Variants in TAF4B observed in about 807,000 individuals in gnomAD.
The protein encoded by TAF4B is transcription initiation factor TFIID subunit 4B.
TAF4B carries 38 observed loss-of-function variants against 86.4 expected under a neutral mutation model. The ratio of observed to expected loss-of-function variants is 0.44; its 90% CI spans 0.34 to 0.58. The LOEUF is 0.58. Ranked by LOEUF, TAF4B falls within the 20% of genes least tolerant of loss-of-function variation. TAF4B has a pLI of 0.02. For synonymous variants in TAF4B, 388 were observed against 391.2 expected (o/e 0.99, Z 0.10); for missense variants, 988 against 1,027.6 (o/e 0.96, Z 0.53).
At chr18:26,255,423 G>A (rs1306450472) in intron 1 of TAF4B, among the ~76,000 whole-genome samples, 1 of 151,846 alleles carries the variant, frequency 6.6e-6, no homozygotes, top group Non-Finnish European at 1.5e-5. Context: ...GGCCAACGTG[G>A]TGAAACCCTG....
chr18:26,281,207 G>A (rs2056444659), intron 5 of TAF4B, among the ~76,000 whole-genome samples: 1 of 152,038 alleles, frequency 6.6e-6, no homozygotes, highest in Non-Finnish European at 1.5e-5. Context: ...CACTACCTGG[G>A]TGACGAGATC....
At chr18:26,244,690 G>A (rs535775039) in intron 1 of TAF4B, among the ~76,000 whole-genome samples, 4 of 152,190 alleles carry the variant, frequency 2.6e-5, no homozygotes, top group South Asian at 2.1e-4. Flanking sequence ...GTTCCTATTC[G>A]GCCATCTTGG....
chr18:26,318,072 G>T (rs1325413822), intron 10 of TAF4B, among the ~76,000 whole-genome samples: 1 of 152,084 alleles, frequency 6.6e-6, no homozygotes, highest in East Asian at 1.9e-4. Context: ...TTGCTCTGTT[G>T]CCCAGGCTGG....
chr18:26,319,868 G>A (rs914903434), intron 10 of TAF4B, among the ~76,000 whole-genome samples: 6 of 152,056 alleles, frequency 3.9e-5, no homozygotes, highest in African/African-American at 1.4e-4. Context: ...GGAATTACAG[G>A]CGTGTGCCAC....
At chr18:26,272,289 A>G (rs1409897424) in intron 3 of TAF4B, among the ~76,000 whole-genome samples, 1 of 152,180 alleles carries the variant, frequency 6.6e-6, no homozygotes, top group South Asian at 2.1e-4. Context: ...TCATGCTGCT[A>G]TGAGACTAAT....
chr18:26,329,260 G>A (rs2057033192), intron 12 of TAF4B, among the ~76,000 whole-genome samples: 1 of 151,872 alleles, frequency 6.6e-6, no homozygotes, highest in Non-Finnish European at 1.5e-5. Context: ...TCTCCCTACA[G>A]TGTTCAAGCT....
intron 1 of TAF4B, among the ~76,000 whole-genome samples, chr18:26,253,822 A>T (rs2056040660): frequency 6.6e-6 from 1 of 152,114 alleles, no homozygotes. Context: ...AATTTGTTTC[A>T]TCTAAATTGT....
intron 1 of TAF4B, among the ~76,000 whole-genome samples, chr18:26,261,321 C>T (rs1015085812): frequency 6.7e-6 from 1 of 150,364 alleles, no homozygotes; most frequent in Non-Finnish European, 1.5e-5. Context: ...CTGCCTCAGC[C>T]TCCCAAGTAG....
In TAF4B at chr18:26,285,222, G is replaced by GTTTTTTTTTTTTGTTTTTTTTTTTTTT. The variant is rs2056501259; in HGVS notation, c.973-648_973-647insGTTTTTTTTTTTTTTTTTTTTTTTTTT. Among the ~76,000 whole-genome samples, 358 of 45,664 alleles carry GTTTTTTTTTTTTGTTTTTTTTTTTTTT rather than the reference G, an allele frequency of 7.8e-3. 78 individuals carry two copies. Among genetic ancestry groups the GTTTTTTTTTTTTGTTTTTTTTTTTTTT allele is most frequent in the East Asian group, 0.03 (27 of 910 alleles). 30.0% of individuals were successfully genotyped at this position (45,664 alleles called of 152,430 possible). ...ATTTCTTCCTTTCCTTTTTTTTTTT[G>GTTTTTTTTTTTTGTTTTTTTTTTTTTT]TTTTTTTTTTTTTTGGAGATGGGGT... On this transcript the variant is annotated intron_variant, in intron 6 of 14. Transcript: ENST00000269142.
At chr18:26,389,024 C>T (rs1377282008) in intron 14 of TAF4B, among the ~76,000 whole-genome samples, 2 of 152,034 alleles carry the variant, frequency 1.3e-5, no homozygotes, top group African/African-American at 4.8e-5. Context: ...GTTGGCCAGG[C>T]TGGTCTCAAA....
intron 1 of TAF4B, among the ~76,000 whole-genome samples, chr18:26,232,751 T>C (rs1375691138): frequency 6.6e-6 from 1 of 152,224 alleles, no homozygotes; most frequent in Non-Finnish European, 1.5e-5. Context: ...TCAGCGGTTT[T>C]GGAGAGTCAC....
At chr18:26,344,369 TAA>T (rs530661553) in intron 13 of TAF4B, among the ~76,000 whole-genome samples, 1 of 147,358 alleles carries the variant, frequency 6.8e-6, no homozygotes, top group African/African-American at 2.5e-5. Flanking sequence ...TTTTTTTTTT[TAA>T]AAAAAAAGGG....
rs192059631 is a variant in TAF4B, at chr18:26,310,595, G to T, written c.1833-4634G>T. Among the ~76,000 whole-genome samples, 5 of 152,206 alleles carry T rather than the reference G, an allele frequency of 3.3e-5. No homozygotes were observed. The East Asian group carries it at 9.7e-4, about 29-fold the overall frequency. On this transcript the variant is annotated intron_variant, in intron 9 of 14. Coordinates refer to ENST00000269142, the MANE Select transcript of TAF4B (RefSeq NM_005640.3). ...GCAAACTAATTTTATTACAGATTTA[G>T]TAATCTAAGGAAATAACTAGATCTT...
intron 9 of TAF4B, among the ~76,000 whole-genome samples, chr18:26,314,959 G>A (rs1437849531): frequency 6.6e-6 from 1 of 151,998 alleles, no homozygotes; most frequent in East Asian, 1.9e-4. Flanking sequence ...AATATACATT[G>A]GTGGTTAGAG....
intron 9 of TAF4B, among the ~76,000 whole-genome samples, chr18:26,304,466 A>G (rs1292080878): frequency 6.6e-6 from 1 of 152,242 alleles, no homozygotes; most frequent in Non-Finnish European, 1.5e-5. Context: ...TTTTAGAAGT[A>G]AAAAATGTAG....
At chr18:26,295,261 C>A in intron 9 of TAF4B, 1 of 362,580 alleles carries the variant, frequency 2.8e-6, no homozygotes, top group Non-Finnish European at 5.5e-6. Context: ...GTTCTGTCAT[C>A]TCTTGGTTGG....
chr18:26,378,142 G>C (rs2057455273), intron 14 of TAF4B, among the ~76,000 whole-genome samples: 3 of 152,156 alleles, frequency 2.0e-5, no homozygotes, highest in Admixed American at 2.0e-4. Context: ...AGTGAAGGGT[G>C]GGGTGGGTTG....
At chr18:26,254,776 A>C (rs2056057875) in intron 1 of TAF4B, among the ~76,000 whole-genome samples, 1 of 152,180 alleles carries the variant, frequency 6.6e-6, no homozygotes, top group South Asian at 2.1e-4. Flanking sequence ...GTTTTATATA[A>C]ATTAAAATCT....
intron 5 of TAF4B, among the ~76,000 whole-genome samples, chr18:26,276,874 A>G (rs2056390443): frequency 1.5e-5 from 2 of 130,808 alleles, no homozygotes; most frequent in South Asian, 2.1e-4. Flanking sequence ...CACAAAACAT[A>G]TGTGTGAATT....
Sources: gnomAD v4.1 joint callset for allele counts (sites outside exome capture counted in the v4.1 genomes callset) on GRCh38, gnomAD v4.1.1 for gene constraint, MANE v1.5 for transcripts, NCBI Gene and HGNC (gene_info 2026-07-23, HGNC 2026-07-21) for gene names.